FABP12: variants seen among roughly 807,000 people sequenced by gnomAD.
The protein encoded by FABP12 is fatty acid binding protein 12.
In FABP12, 19 loss-of-function variants were observed where a neutral mutation model predicts 13.7. The ratio of observed to expected loss-of-function variants is 1.39; its 90% CI spans 0.97 to 2.04. The LOEUF (loss-of-function observed/expected upper bound fraction) is 2.04. Among genes scored for constraint, FABP12 ranks in the 30% most tolerant of loss-of-function variants. The pLI, the probability that FABP12 is intolerant of heterozygous loss-of-function variation, is 0.00. For missense variants in FABP12, 182 were observed against 164.2 expected (o/e 1.11, Z -0.59); for synonymous variants, 61 against 57.0 (o/e 1.07, Z -0.32).
At chr8:81,547,946 A>T (rs1477540227) in intron 1 of FABP12, among the ~76,000 whole-genome samples, 1 of 152,242 alleles carries the variant, frequency 6.6e-6, no homozygotes, top group Admixed American at 6.5e-5. Context: ...CAGAATTCAT[A>T]CAGAAAAGAA....
chr8:81,531,328 A>T lies in FABP12; in HGVS notation c.-13T>A. 1 of 1,579,940 alleles carries T rather than the reference A, an allele frequency of 6.3e-7. No homozygotes were observed. The highest frequency in any genetic ancestry group is 2.2e-5 in the East Asian group (1 of 44,472). On this transcript the variant is annotated 5_prime_UTR_variant, in exon 2 of 5. An upstream open reading frame in the 5' UTR gains an earlier in-frame stop. Coordinates refer to ENST00000360464, the Ensembl canonical transcript of FABP12. ...GCTGGTCAATCATTCTGTCTGAGATAAGTTGATCTCAAAGAACAGTAGTTT... is the reference window on the plus strand; with the variant it reads ...GCTGGTCAATCATTCTGTCTGAGATTAGTTGATCTCAAAGAACAGTAGTTT...
intron 2 of FABP12, among the ~76,000 whole-genome samples, chr8:81,530,217 C>T (rs1035668275): frequency 2.2e-4 from 34 of 152,114 alleles, no homozygotes; most frequent in African/African-American, 8.2e-4. Flanking sequence ...GTTATATCTA[C>T]TGTTTTTCAA....
chr8:81,569,078 G>A (rs1301637479), intron 1 of FABP12, among the ~76,000 whole-genome samples: 2 of 152,074 alleles, frequency 1.3e-5, no homozygotes, highest in Non-Finnish European at 2.9e-5. Context: ...ATCATTTATT[G>A]TAAATTTTAA....
intron 1 of FABP12, among the ~76,000 whole-genome samples, chr8:81,559,273 T>A (rs1020655555): frequency 6.6e-6 from 1 of 152,220 alleles, no homozygotes; most frequent in Non-Finnish European, 1.5e-5. Flanking sequence ...TGCAGTTGGC[T>A]GCACAGTAGC....
intron 1 of FABP12, among the ~76,000 whole-genome samples, chr8:81,539,834 C>G (rs1245911689): frequency 6.6e-6 from 1 of 152,186 alleles, no homozygotes; most frequent in Admixed American, 6.5e-5. Context: ...CTCTCCCACC[C>G]TTTGCTTCTT....
intron 1 of FABP12, among the ~76,000 whole-genome samples, chr8:81,555,380 A>G (rs1016409603): frequency 6.6e-6 from 1 of 152,246 alleles, no homozygotes; most frequent in Admixed American, 6.5e-5. Flanking sequence ...TAGAAAATCT[A>G]ACTTTAATTG....
At chr8:81,589,755 C>G (rs1833841946) in intron 1 of FABP12, among the ~76,000 whole-genome samples, 1 of 152,190 alleles carries the variant, frequency 6.6e-6, no homozygotes, top group African/African-American at 2.4e-5. Context: ...AAACAGGCTG[C>G]CTTTTCCCCT....
intron 1 of FABP12, among the ~76,000 whole-genome samples, chr8:81,552,421 G>A (rs1042840822): frequency 1.3e-5 from 2 of 152,106 alleles, no homozygotes; most frequent in Admixed American, 1.3e-4. Flanking sequence ...GTACCCTAGG[G>A]TGTTGGCAGC....
intron 1 of FABP12, among the ~76,000 whole-genome samples, chr8:81,589,467 C>T (rs1206897092): frequency 6.6e-6 from 1 of 152,092 alleles, no homozygotes; most frequent in African/African-American, 2.4e-5. Flanking sequence ...GGATCCATCA[C>T]CTTCACCTCC....
intron 2 of FABP12, among the ~76,000 whole-genome samples, chr8:81,530,983 T>C (rs1339595356): frequency 6.6e-6 from 1 of 152,096 alleles, no homozygotes; most frequent in East Asian, 1.9e-4. Flanking sequence ...AATAGTTGTA[T>C]TTTTTTGTTT....
At chr8:81,548,058 A>T (rs1422777106) in intron 1 of FABP12, among the ~76,000 whole-genome samples, 3 of 152,170 alleles carry the variant, frequency 2.0e-5, no homozygotes, top group African/African-American at 7.2e-5. Context: ...AAGGACAAAG[A>T]TTCCTTCCTC....
At chr8:81,552,060 G>GTGACTAAT (rs1430326381) in intron 1 of FABP12, among the ~76,000 whole-genome samples, 4 of 152,236 alleles carry the variant, frequency 2.6e-5, no homozygotes, top group Non-Finnish European at 1.5e-5. Context: ...GCAGGAATCT[G>GTGACTAAT]TGACTAATGC....
At chr8:81,528,598 T>C (rs1362296555) in intron 3 of FABP12, among the ~76,000 whole-genome samples, 1 of 152,158 alleles carries the variant, frequency 6.6e-6, no homozygotes, top group Non-Finnish European at 1.5e-5. Flanking sequence ...ATAATAAATA[T>C]TTATTGAACA....
At chr8:81,562,942 GT>G (rs1809749378) in intron 1 of FABP12, among the ~76,000 whole-genome samples, 1 of 152,206 alleles carries the variant, frequency 6.6e-6, no homozygotes, top group African/African-American at 2.4e-5. Context: ...GTAAGTGGTA[GT>G]CAGGCAATGA....
At chr8:81,539,658 T>G (rs1049189170) in exon 2 of FABP12, among the ~76,000 whole-genome samples, 3 of 152,198 alleles carry the variant, frequency 2.0e-5, no homozygotes, top group African/African-American at 7.2e-5. Context: ...TGAAGGCTGC[T>G]CTTAGGGTTG....
intron 1 of FABP12, among the ~76,000 whole-genome samples, chr8:81,551,910 A>G (rs1809529139): frequency 6.6e-6 from 1 of 152,104 alleles, no homozygotes; most frequent in Admixed American, 6.5e-5. Flanking sequence ...TCATTCAATC[A>G]TGTAATAAAT....
rs181198193 is a variant in FABP12 at position 81,569,115 on chromosome 8, G to C, written c.-185+20938C>G. 3.2e-3 allele frequency among the ~76,000 whole-genome samples: 488 copies of C among 152,206 alleles called. 9 individuals are homozygous for C. The highest frequency in any genetic ancestry group is 4.9e-4 in the Non-Finnish European group (33 of 67,992). ...ATAATAAAAACAATATAATTGGATTGTTTGTAACACACACAAAAAATAAAT... is the reference window on the plus strand; with the variant it reads ...ATAATAAAAACAATATAATTGGATTCTTTGTAACACACACAAAAAATAAAT... On this transcript the variant is annotated intron_variant, in intron 1 of 5. Coordinates refer to the FABP12 transcript ENST00000692030.
intron 3 of FABP12, among the ~76,000 whole-genome samples, chr8:81,527,957 T>G (rs951539475): frequency 2.6e-5 from 4 of 152,028 alleles, no homozygotes; most frequent in Middle Eastern, 3.4e-3. Flanking sequence ...CCTGTCTCAA[T>G]AAAGAATAAT....
intron 2 of FABP12, among the ~76,000 whole-genome samples, chr8:81,529,870 G>A (rs1165320833): frequency 6.6e-6 from 1 of 152,136 alleles, no homozygotes; most frequent in Non-Finnish European, 1.5e-5. Flanking sequence ...GTTGTTTAGT[G>A]AGTATTCTTT....
Sources: gnomAD v4.1 joint callset for allele counts (sites outside exome capture counted in the v4.1 genomes callset) on GRCh38, gnomAD v4.1.1 for gene constraint, MANE v1.5 for transcripts, NCBI Gene and HGNC (gene_info 2026-07-23, HGNC 2026-07-21) for gene names.